The following ST8SIA6 variants were observed in gnomAD, a reference collection of about 807,000 sequenced individuals.
ST8SIA6 encodes the protein ST8 alpha-N-acetyl-neuraminide alpha-2,8-sialyltransferase 6.
Under a neutral mutation model 33.6 loss-of-function variants are expected in ST8SIA6, and 39 were observed. The observed-to-expected ratio is 1.16, with a 90% confidence interval of 0.90 to 1.52. The LOEUF (loss-of-function observed/expected upper bound fraction) is 1.52. Among genes scored for constraint, ST8SIA6 ranks in the 40% most tolerant of loss-of-function variants. The pLI is 0.00. For synonymous variants in ST8SIA6, 172 were observed against 167.2 expected, an observed-to-expected ratio of 1.03 and a Z score of -0.22; for missense variants, 441 against 443.8, an observed-to-expected ratio of 0.99 and a Z score of 0.06.
rs143816125 is a variant in ST8SIA6 at position 17,398,300 on chromosome 10, C to T, written c.201-7680G>A. Among the ~76,000 whole-genome samples the T allele has an allele frequency of 8.0e-3, 1,208 of 151,848 alleles. 17 individuals are homozygous for T. Among genetic ancestry groups the T allele is most frequent in the African/African-American group, 0.028 (1,151 of 41,336 alleles). ...CGAGATTGCACCATTGCACTCCAGCCTGGGTGACAGAGCAAGACTCCATCT... is the reference window on the plus strand; with the variant it reads ...CGAGATTGCACCATTGCACTCCAGCTTGGGTGACAGAGCAAGACTCCATCT... On this transcript the variant is annotated intron_variant, in intron 2 of 7. Transcript: ENST00000377602.
intron 6 of ST8SIA6, among the ~76,000 whole-genome samples, chr10:17,324,576 G>C (rs1411386572): frequency 2.0e-5 from 3 of 151,536 alleles, no homozygotes; most frequent in African/African-American, 7.3e-5. Flanking sequence ...TTTTATAGAG[G>C]AAATACAATA....
rs1588943879 is a variant in ST8SIA6 at position 17,454,162 on chromosome 10, G to A, written c.94C>T (p.Arg32Cys). The A allele has an allele frequency of 3.6e-6, 1 of 278,142 alleles. No homozygotes were observed. Among genetic ancestry groups the A allele is most frequent in the Non-Finnish European group, 6.6e-6 (1 of 151,426 alleles). 17.2% of individuals were successfully genotyped at this position (278,142 alleles called of 1,614,324 possible). Residue 32 changes from arginine (R) to cysteine (C), a missense_variant, in exon 1 of 8, where the codon CGC becomes TGC. Transcript: ENST00000377602. The surrounding 1 kb of genome is among the most constrained non-coding windows in gnomAD (Gnocchi z 4.1). ...GGCGGGTGGGTGGGTTACCTGGCGC[G>A]GCCGGGCGCGTCTGCCGGGCACCAG... ...LLWCPADAPG[R>C]ARILVEESRE...
chr10:17,444,513 G>A (rs1852628182), intron 2 of ST8SIA6, among the ~76,000 whole-genome samples: 1 of 152,166 alleles, frequency 6.6e-6, no homozygotes, highest in African/African-American at 2.4e-5. Context: ...GTCCACAGAG[G>A]AAAGGCAATA....
At chr10:17,371,904 T>G (rs1849749375) in intron 3 of ST8SIA6, among the ~76,000 whole-genome samples, 1 of 150,964 alleles carries the variant, frequency 6.6e-6, no homozygotes, top group Non-Finnish European at 1.5e-5. Flanking sequence ...GAAATAGAAA[T>G]AATATATTTA....
intron 2 of ST8SIA6, among the ~76,000 whole-genome samples, chr10:17,391,192 T>C (rs1172381879): frequency 2.6e-5 from 4 of 151,520 alleles, no homozygotes; most frequent in Non-Finnish European, 4.4e-5. Flanking sequence ...TTTCATATTC[T>C]GAGGTTAGTA....
At chr10:17,373,160 G>A (rs1030531021) in intron 3 of ST8SIA6, among the ~76,000 whole-genome samples, 5 of 152,126 alleles carry the variant, frequency 3.3e-5, no homozygotes, top group Non-Finnish European at 2.9e-5. Context: ...CTGATTGGAC[G>A]GAGGACAGCC....
At chr10:17,334,447 G>A (rs1463788446) in intron 4 of ST8SIA6, among the ~76,000 whole-genome samples, 2 of 151,254 alleles carry the variant, frequency 1.3e-5, no homozygotes, top group East Asian at 2.0e-4. Context: ...GCTGAAGCAG[G>A]ACAATGGTGT....
chr10:17,452,245 G>T (rs1281321552), intron 2 of ST8SIA6, among the ~76,000 whole-genome samples: 2 of 152,086 alleles, frequency 1.3e-5, no homozygotes, highest in East Asian at 3.9e-4. Context: ...CCAATGAGGG[G>T]GTGGCAGGCA....
intron 2 of ST8SIA6, among the ~76,000 whole-genome samples, chr10:17,439,774 C>T (rs115642539): frequency 9.9e-4 from 150 of 152,284 alleles, no homozygotes; most frequent in African/African-American, 3.4e-3. Flanking sequence ...CCCAGGCCAA[C>T]GGCATGTGAA....
Position 17,331,393 on chromosome 10 carries a change from G to A in ST8SIA6, c.522+15C>T, listed in dbSNP as rs776304906. The A allele has an allele frequency of 3.8e-6, 6 of 1,599,456 alleles. No homozygotes were observed. In the South Asian group the frequency reaches 5.7e-5, roughly 15 times the overall value. ...GAATGGTAACACAAATAACCCACCAGAAACCTTTACTCACCACTGGAAACA... is the reference window on the plus strand; with the variant it reads ...GAATGGTAACACAAATAACCCACCAAAAACCTTTACTCACCACTGGAAACA... On this transcript the variant is annotated intron_variant, in intron 5 of 7. Coordinates refer to ENST00000377602, the MANE Select transcript of ST8SIA6 (RefSeq NM_001004470.3).
intron 2 of ST8SIA6, chr10:17,403,515 C>T (rs559848310): frequency 2.6e-4 from 39 of 152,286 alleles, no homozygotes; most frequent in African/African-American, 9.1e-4. Flanking sequence ...CTAGGCTGGT[C>T]TGAAGGTAGT....
intron 4 of ST8SIA6, among the ~76,000 whole-genome samples, chr10:17,353,379 A>T (rs982174852): frequency 6.6e-6 from 1 of 152,312 alleles, no homozygotes; most frequent in South Asian, 2.1e-4. Flanking sequence ...AAATCATTAA[A>T]TGGTATGGTT....
At chr10:17,426,022 G>A (rs764907905) in intron 2 of ST8SIA6, among the ~76,000 whole-genome samples, 26 of 151,996 alleles carry the variant, frequency 1.7e-4, no homozygotes, top group Non-Finnish European at 2.9e-4. Context: ...TTATCTCTGA[G>A]TAGTGGGGTT....
At chr10:17,392,463 G>C (rs572356911) in intron 2 of ST8SIA6, among the ~76,000 whole-genome samples, 1 of 152,218 alleles carries the variant, frequency 6.6e-6, no homozygotes, top group Non-Finnish European at 1.5e-5. Context: ...GGAGTCCAAG[G>C]CCTCAGTGAC....
chr10:17,421,349 T>A (rs1270736517), intron 2 of ST8SIA6, among the ~76,000 whole-genome samples: 1 of 152,160 alleles, frequency 6.6e-6, no homozygotes, highest in Non-Finnish European at 1.5e-5. Flanking sequence ...CTAATAAGTG[T>A]CCTATATACA....
intron 2 of ST8SIA6, among the ~76,000 whole-genome samples, chr10:17,449,547 A>C (rs1339905144): frequency 6.6e-6 from 1 of 152,234 alleles, no homozygotes; most frequent in Non-Finnish European, 1.5e-5. Context: ...AATCCACTTT[A>C]GACAAGTAAA....
intron 3 of ST8SIA6, among the ~76,000 whole-genome samples, chr10:17,363,083 G>A (rs1849445476): frequency 6.6e-6 from 1 of 152,144 alleles, no homozygotes; most frequent in Admixed American, 6.5e-5. Flanking sequence ...TCAAAGCTTG[G>A]ATTATGATTT....
At chr10:17,323,973 C>A (rs1848045745) in intron 6 of ST8SIA6, among the ~76,000 whole-genome samples, 1 of 152,084 alleles carries the variant, frequency 6.6e-6, no homozygotes, top group African/African-American at 2.4e-5. Context: ...AGTTTTGCCA[C>A]CAAATTATGG....
chr10:17,442,894 A>G (rs1852553179), intron 2 of ST8SIA6, among the ~76,000 whole-genome samples: 1 of 152,156 alleles, frequency 6.6e-6, no homozygotes, highest in African/African-American at 2.4e-5. Flanking sequence ...ACCTCCAAAA[A>G]CCTAGACAAG....
Sources: gnomAD v4.1 joint callset for allele counts (sites outside exome capture counted in the v4.1 genomes callset) on GRCh38, gnomAD v4.1.1 for gene constraint, Gnocchi (gnomAD v3.1) non-coding constraint, MANE v1.5 for transcripts, NCBI Gene and HGNC (gene_info 2026-07-23, HGNC 2026-07-21) for gene names.